Variants in CTIF observed in about 807,000 individuals in gnomAD.
CTIF encodes the protein CBP80/20-dependent translation initiation factor.
Under a neutral mutation model 66.0 loss-of-function variants are expected in CTIF, and 21 were observed. The observed-to-expected ratio is 0.32, with a 90% CI of 0.23 to 0.46. CTIF has a LOEUF of 0.46. Ranked by LOEUF, CTIF falls within the 20% of genes least tolerant of loss-of-function variation. The probability of loss-of-function intolerance (pLI) is 1.00; values close to 1 mark genes in which losing one functional copy is unlikely to be tolerated. For missense variants in CTIF, 739 were observed against 812.7 expected (o/e 0.91, Z 1.10); for synonymous variants, 345 against 326.4 (o/e 1.06, Z -0.62).
At chr18:48,790,984 C>T (rs1389174322) in intron 9 of CTIF, among the ~76,000 whole-genome samples, 3 of 152,246 alleles carry the variant, frequency 2.0e-5, no homozygotes, top group South Asian at 4.1e-4. Context: ...CACCTTCTCA[C>T]TCCATCTTCT....
chr18:48,620,382 C>T (rs1323388474), intron 2 of CTIF, among the ~76,000 whole-genome samples: 3 of 152,180 alleles, frequency 2.0e-5, no homozygotes, highest in Non-Finnish European at 4.4e-5. Context: ...AAAGTCTTGG[C>T]TTCTCCCTCA....
intron 9 of CTIF, among the ~76,000 whole-genome samples, chr18:48,808,559 G>A (rs1206120822): frequency 7.1e-6 from 1 of 141,648 alleles, no homozygotes; most frequent in South Asian, 2.2e-4. Flanking sequence ...ATTCCATCTG[G>A]AATTTATTTT....
intron 10 of CTIF, among the ~76,000 whole-genome samples, chr18:48,848,295 A>G (rs542696911): frequency 1.3e-5 from 2 of 152,012 alleles, no homozygotes; most frequent in African/African-American, 4.8e-5. Context: ...CAGCCAGCCA[A>G]CCTCAGCTCC....
At chr18:48,808,524 T>C (rs2068197233) in intron 9 of CTIF, among the ~76,000 whole-genome samples, 1 of 152,018 alleles carries the variant, frequency 6.6e-6, no homozygotes, top group South Asian at 2.1e-4. Flanking sequence ...TCCTTTTTTT[T>C]TTTTTTTTTA....
At chr18:48,848,089 C>T (rs2069119303) in intron 10 of CTIF, among the ~76,000 whole-genome samples, 1 of 152,180 alleles carries the variant, frequency 6.6e-6, no homozygotes, top group Non-Finnish European at 1.5e-5. Context: ...AGGTGTGGTT[C>T]TTCTGACTCT....
At chr18:48,586,561 A>T (rs184055640) in intron 1 of CTIF, among the ~76,000 whole-genome samples, 40 of 152,206 alleles carry the variant, frequency 2.6e-4, no homozygotes, top group African/African-American at 8.7e-4. Context: ...GTGAGCCACC[A>T]CGCCCGGCCT....
At chr18:48,725,156 C>T (rs918745360) in intron 7 of CTIF, among the ~76,000 whole-genome samples, 2 of 152,234 alleles carry the variant, frequency 1.3e-5, no homozygotes, top group African/African-American at 4.8e-5. Context: ...GAGCAGATGG[C>T]TCGGCCTGGT....
chr18:48,839,171 C>A (rs2068881365), intron 10 of CTIF, among the ~76,000 whole-genome samples: 1 of 152,126 alleles, frequency 6.6e-6, no homozygotes, highest in Non-Finnish European at 1.5e-5. Flanking sequence ...CCCTGAATTA[C>A]CCCACCAGCC....
At chr18:48,788,647 A>G (rs1035300589) in intron 9 of CTIF, among the ~76,000 whole-genome samples, 2 of 152,200 alleles carry the variant, frequency 1.3e-5, no homozygotes, top group African/African-American at 4.8e-5. Flanking sequence ...CCAGAGGCAC[A>G]GTGGCAGCCT....
At chr18:48,702,938 C>G (rs2092102890) in intron 6 of CTIF, among the ~76,000 whole-genome samples, 1 of 151,962 alleles carries the variant, frequency 6.6e-6, no homozygotes, top group Non-Finnish European at 1.5e-5. Flanking sequence ...AAAACCATGA[C>G]CCCCAGCAGG....
chr18:48,555,254 G>A (rs906944065), intron 1 of CTIF, among the ~76,000 whole-genome samples: 6 of 152,192 alleles, frequency 3.9e-5, no homozygotes, highest in African/African-American at 1.4e-4. Context: ...GCAGCTTCTA[G>A]ATATGGGGAT....
At chr18:48,634,912 A>G (rs1425543142) in intron 2 of CTIF, among the ~76,000 whole-genome samples, 1 of 152,110 alleles carries the variant, frequency 6.6e-6, no homozygotes. Context: ...AAAATATCTC[A>G]TTAACAACTT....
chr18:48,832,479 G>A (rs1422382084), intron 10 of CTIF, among the ~76,000 whole-genome samples: 1 of 152,166 alleles, frequency 6.6e-6, no homozygotes, highest in African/African-American at 2.4e-5. Context: ...CATAGAAAGG[G>A]AAGAGAAGGG....
intron 1 of CTIF, among the ~76,000 whole-genome samples, chr18:48,574,341 G>C (rs2089483906): frequency 6.6e-6 from 1 of 152,188 alleles, no homozygotes; most frequent in Non-Finnish European, 1.5e-5. Flanking sequence ...TGCCTCCTCT[G>C]TTTTATTTTT....
intron 7 of CTIF, among the ~76,000 whole-genome samples, chr18:48,753,037 T>C (rs909602655): frequency 6.6e-6 from 1 of 152,212 alleles, no homozygotes. Context: ...AAATTGTTGG[T>C]GCCTGTGCCT....
chr18:48,675,694 C>T (rs2091616785), intron 6 of CTIF, among the ~76,000 whole-genome samples: 1 of 152,040 alleles, frequency 6.6e-6, no homozygotes, highest in Admixed American at 6.5e-5. Flanking sequence ...GCATGACACT[C>T]CTCCAGAGGG....
chr18:48,556,296 G>A (rs752183398), intron 1 of CTIF, among the ~76,000 whole-genome samples: 4 of 152,160 alleles, frequency 2.6e-5, no homozygotes, highest in Non-Finnish European at 2.9e-5. Flanking sequence ...TGAGGCTCAC[G>A]AGCTTCCAGG....
In CTIF at chr18:48,669,793, T is replaced by TACATA. The variant is rs1568120522; in HGVS notation, c.432-876_432-875insACATA. On this transcript the variant is annotated intron_variant, in intron 5 of 11. Transcript: ENST00000256413. ...ATTTATAAACAAACAAGCTAAACATTTATATATATATATATATATATATAT... is the reference window on the plus strand; with the variant it reads ...ATTTATAAACAAACAAGCTAAACATTACATATATATATATATATATATATATATAT... 4.2e-5 allele frequency among the ~76,000 whole-genome samples: 2 copies of TACATA among 47,252 alleles called. 1 individual carries two copies. Among genetic ancestry groups the TACATA allele is most frequent in the Non-Finnish European group, 7.8e-5 (2 of 25,646 alleles). 31.0% of individuals were successfully genotyped at this position (47,252 alleles called of 152,430 possible). A position where few individuals can be genotyped will look rare whatever the true frequency, so the allele number is the denominator to read the frequency against.
At chr18:48,625,819 T>A (rs1385365449) in intron 2 of CTIF, among the ~76,000 whole-genome samples, 1 of 152,216 alleles carries the variant, frequency 6.6e-6, no homozygotes, top group East Asian at 1.9e-4. Flanking sequence ...CAACACATAC[T>A]GTTGAACATG....
Sources: gnomAD v4.1 joint callset for allele counts (sites outside exome capture counted in the v4.1 genomes callset) on GRCh38, gnomAD v4.1.1 for gene constraint, MANE v1.5 for transcripts, NCBI Gene and HGNC (gene_info 2026-07-23, HGNC 2026-07-21) for gene names.